TENM3: variants seen among roughly 807,000 people sequenced by gnomAD.
TENM3 encodes teneurin transmembrane protein 3, also known as teneurin-3.
A neutral mutation model predicts 255.1 loss-of-function variants in TENM3; 63 were observed. The ratio of observed to expected loss-of-function variants is 0.25; its 90% confidence interval spans 0.20 to 0.30. The LOEUF is 0.30. TENM3 is among the 10% of genes least tolerant of loss of function. The pLI, the probability that TENM3 is intolerant of heterozygous loss-of-function variation, is 1.00. For missense variants in TENM3, 2,929 were observed against 3,461.1 expected (o/e 0.85, Z 3.86); for synonymous variants, 1,306 against 1,322.3 (o/e 0.99, Z 0.27).
At chr4:182,727,248 G>A (rs1329915384) in intron 13 of TENM3, among the ~76,000 whole-genome samples, 1 of 152,058 alleles carries the variant, frequency 6.6e-6, no homozygotes, top group Non-Finnish European at 1.5e-5. Context: ...TTGAGGTCTG[G>A]AGTTCGAGAT....
At chr4:181,468,715 C>T in the TENM3 span, among the ~76,000 whole-genome samples, 3 of 152,174 alleles carry the variant, frequency 2.0e-5, no homozygotes, top group African/African-American at 4.8e-5. Context: ...CTGCCAAGTC[C>T]CTGATGGAGA....
At chr4:181,548,374 C>A in the TENM3 span, among the ~76,000 whole-genome samples, 1 of 152,124 alleles carries the variant, frequency 6.6e-6, no homozygotes, top group Non-Finnish European at 1.5e-5. Context: ...ATGTTTATTG[C>A]AGCACTATTC....
At chr4:182,572,484 AC>A (rs1397701297) in intron 3 of TENM3, among the ~76,000 whole-genome samples, 2 of 152,202 alleles carry the variant, frequency 1.3e-5, no homozygotes, top group African/African-American at 4.8e-5. Context: ...GCACAAGTCT[AC>A]ATTTAATTAA....
At chr4:182,465,745 C>T (rs1245404963) in intron 3 of TENM3, among the ~76,000 whole-genome samples, 1 of 152,000 alleles carries the variant, frequency 6.6e-6, no homozygotes, top group Non-Finnish European at 1.5e-5. Context: ...ATATAAGATA[C>T]AGGAAATTCA....
At chr4:181,550,704 A>G in the TENM3 span, among the ~76,000 whole-genome samples, 1 of 152,196 alleles carries the variant, frequency 6.6e-6, no homozygotes, top group East Asian at 1.9e-4. Context: ...CAAGTCTTTT[A>G]TATGTCATTA....
chr4:182,032,992 A>T, the TENM3 span, among the ~76,000 whole-genome samples: 1 of 144,936 alleles, frequency 6.9e-6, no homozygotes, highest in Non-Finnish European at 1.5e-5. Context: ...TCAAAAAAAA[A>T]GTCCAGGATT....
chr4:181,598,733 G>A, the TENM3 span, among the ~76,000 whole-genome samples: 1 of 151,506 alleles, frequency 6.6e-6, no homozygotes, highest in Non-Finnish European at 1.5e-5. Flanking sequence ...ATTACATCTT[G>A]TAATAATACA....
chr4:182,775,408 G>A (rs1409370500), intron 24 of TENM3, among the ~76,000 whole-genome samples: 1 of 152,130 alleles, frequency 6.6e-6, no homozygotes, highest in Non-Finnish European at 1.5e-5. Context: ...AGGAGTGAAG[G>A]TAAAGCCATG....
chr4:182,633,159 TAG>T (rs1172773135), intron 5 of TENM3, among the ~76,000 whole-genome samples: 2 of 152,202 alleles, frequency 1.3e-5, no homozygotes, highest in Non-Finnish European at 2.9e-5. Context: ...CTCAAACTCC[TAG>T]GATCAAGCTG....
intron 1 of TENM3, among the ~76,000 whole-genome samples, chr4:182,247,749 A>G (rs1457596782): frequency 1.3e-5 from 2 of 152,224 alleles, no homozygotes; most frequent in Non-Finnish European, 2.9e-5. Context: ...ACCTAATTCT[A>G]GGATTTTATA....
the TENM3 span, among the ~76,000 whole-genome samples, chr4:181,567,279 A>C: frequency 1.3e-5 from 2 of 152,182 alleles, no homozygotes; most frequent in Non-Finnish European, 2.9e-5. Context: ...GCCCTTAGTA[A>C]ATTCTAAAGA....
chr4:182,291,243 C>T (rs979672013), intron 1 of TENM3, among the ~76,000 whole-genome samples: 5 of 152,134 alleles, frequency 3.3e-5, no homozygotes, highest in African/African-American at 9.7e-5. Context: ...AGGCTTCCCA[C>T]GGAGGACAGG....
chr4:182,744,667 C>T (rs1579318844), intron 19 of TENM3, among the ~76,000 whole-genome samples: 1 of 152,106 alleles, frequency 6.6e-6, no homozygotes, highest in South Asian at 2.1e-4. Context: ...GAGTGAGAGG[C>T]CCCAAAACTG....
At chr4:182,076,990 C>T in the TENM3 span, among the ~76,000 whole-genome samples, 1 of 152,140 alleles carries the variant, frequency 6.6e-6, no homozygotes, top group East Asian at 1.9e-4. Flanking sequence ...GAGGATAAAT[C>T]CCTCAAAACT....
chr4:181,707,592 A>G, the TENM3 span, among the ~76,000 whole-genome samples: 1 of 152,220 alleles, frequency 6.6e-6, no homozygotes. Context: ...CCATACTTGT[A>G]TGAATTTTCT....
intron 3 of TENM3, among the ~76,000 whole-genome samples, chr4:182,519,462 G>C (rs569982665): frequency 1.3e-5 from 2 of 152,262 alleles, no homozygotes; most frequent in South Asian, 4.2e-4. Context: ...TTTTAAGGTA[G>C]AAATTTTTCT....
At chr4:181,499,038 G>T in the TENM3 span, among the ~76,000 whole-genome samples, 1 of 152,096 alleles carries the variant, frequency 6.6e-6, no homozygotes, top group East Asian at 1.9e-4. Flanking sequence ...ATTCTACTCT[G>T]GTTTAACCGA....
the TENM3 span, among the ~76,000 whole-genome samples, chr4:181,467,496 A>C: frequency 6.6e-6 from 1 of 152,194 alleles, no homozygotes; most frequent in South Asian, 2.1e-4. Flanking sequence ...ATATTATGAC[A>C]GATATCTAGT....
At position 182,793,458 on chromosome 4, in the gene TENM3, C is replaced by G. The variant is rs748531158; in HGVS notation, c.6786C>G (p.Val2262=). 8 of 1,613,930 alleles carry G rather than the reference C, an allele frequency of 5.0e-6. No individual in the cohort carries two copies. Among genetic ancestry groups the G allele is most frequent in the Non-Finnish European group, 5.1e-6 (6 of 1,179,878 alleles). The change falls in exon 26 of 28, where the codon GTC becomes GTG. Residue 2262 remains valine, a synonymous_variant. Coordinates refer to ENST00000511685, the MANE Select transcript of TENM3 (RefSeq NM_001080477.4). The surrounding 1 kb of genome is among the most constrained non-coding windows in gnomAD (Gnocchi z 5.7). ...CTTATCCCACTAGGATTACTCATGT[C>G]TACAACCATTCGAGTTCAGAAATTA... ...DLTYPTRITH[V]YNHSSSEITS...
Sources: gnomAD v4.1 joint callset for allele counts (sites outside exome capture counted in the v4.1 genomes callset) on GRCh38, gnomAD v4.1.1 for gene constraint, Gnocchi (gnomAD v3.1) non-coding constraint, MANE v1.5 for transcripts, NCBI Gene and HGNC (gene_info 2026-07-23, HGNC 2026-07-21) for gene names.